SERTAD2: variants seen among roughly 807,000 people sequenced by gnomAD.
SERTAD2 encodes SERTA domain containing 2, also known as SERTA domain-containing protein 2.
SERTAD2 carries 2 observed loss-of-function variants against 15.4 expected under a neutral mutation model. The observed-to-expected ratio is 0.13, with a 90% confidence interval of 0.05 to 0.41. The LOEUF (loss-of-function observed/expected upper bound fraction) is 0.41. SERTAD2 is among the 10% of genes least tolerant of loss of function. The pLI is 0.99. For missense variants in SERTAD2, 333 were observed against 409.7 expected, an observed-to-expected ratio of 0.81 and a Z score of 1.62; for synonymous variants, 180 against 178.0, an observed-to-expected ratio of 1.01 and a Z score of -0.09.
At chr2:64,648,536 TA>T in intron 1 of SERTAD2, among the ~76,000 whole-genome samples, 1 of 152,338 alleles carries the variant, frequency 6.6e-6, no homozygotes, top group African/African-American at 2.4e-5. Flanking sequence ...CTATGTCACT[TA>T]AATACAATAA....
intron 1 of SERTAD2, among the ~76,000 whole-genome samples, chr2:64,652,545 A>C (rs1214294276): frequency 6.6e-6 from 1 of 152,228 alleles, no homozygotes; most frequent in East Asian, 1.9e-4. Flanking sequence ...ACATTGGGAA[A>C]TCAAAAAGCG....
chr2:64,635,873 G>C lies in SERTAD2; in HGVS notation c.*54C>G, dbSNP rs1341750930. ...CATGCACAGTGTGGAGAACTGTCAG[G>C]GTTATGGGAACGCTCTGGGGTCTGG... On this transcript the variant is annotated 3_prime_UTR_variant, in exon 2 of 2. Coordinates refer to ENST00000313349, the MANE Select transcript of SERTAD2 (RefSeq NM_014755.3). 2 of 1,379,038 alleles carry C rather than the reference G, an allele frequency of 1.5e-6. No homozygotes were observed. The highest frequency in any genetic ancestry group is 2.0e-6 in the Non-Finnish European group (2 of 980,590). The allele number at this position is 1,379,038 out of a possible 1,614,324, so 85.4% of individuals were successfully genotyped here.
At chr2:64,647,887 T>A (rs544293670) in intron 1 of SERTAD2, among the ~76,000 whole-genome samples, 1 of 152,212 alleles carries the variant, frequency 6.6e-6, no homozygotes, top group South Asian at 2.1e-4. Flanking sequence ...TGGAAGCTTT[T>A]CTTAAAAGTT....
intron 1 of SERTAD2, among the ~76,000 whole-genome samples, chr2:64,640,323 T>C (rs1674743765): frequency 6.6e-6 from 1 of 152,096 alleles, no homozygotes; most frequent in South Asian, 2.1e-4. Context: ...ACCACCTCCT[T>C]AAGCAGGGCC....
chr2:64,644,910 G>A (rs186175371), intron 1 of SERTAD2: 4 of 152,346 alleles, frequency 2.6e-5, no homozygotes, highest in African/African-American at 9.7e-5. Flanking sequence ...TGGCCCAGGG[G>A]AGTGGGCAAA....
intron 1 of SERTAD2, among the ~76,000 whole-genome samples, chr2:64,648,729 G>A (rs1218408716): frequency 6.6e-6 from 1 of 152,004 alleles, no homozygotes; most frequent in Non-Finnish European, 1.5e-5. Context: ...AAGGAGGCAG[G>A]AACCACCTGA....
rs746824338 is a variant in SERTAD2, at chr2:64,636,786, G to A, written c.86C>T (p.Ser29Phe). Residue 29 changes from serine (S) to phenylalanine (F), a missense_variant, in exon 2 of 2, where the codon TCC becomes TTC. Coordinates refer to ENST00000313349, the MANE Select transcript of SERTAD2 (RefSeq NM_014755.3). ...GKIVSPCDGPSKVSYTLQRQT... is the reference protein window; with the variant it reads ...GKIVSPCDGPFKVSYTLQRQT... Reference sequence around the variant, plus strand: ...GCGCTGTAAGGTGTAAGACACCTTGGATGGACCGTCACAGGGAGACACGAT... The same window carrying A: ...GCGCTGTAAGGTGTAAGACACCTTGAATGGACCGTCACAGGGAGACACGAT... 7 of 1,614,008 alleles carry A rather than the reference G, an allele frequency of 4.3e-6. 1 individual carries two copies. The Admixed American group carries it at 5.0e-5, about 12-fold the overall frequency.
intron 1 of SERTAD2, among the ~76,000 whole-genome samples, chr2:64,639,958 G>C (rs1017518381): frequency 3.3e-5 from 5 of 151,946 alleles, no homozygotes; most frequent in African/African-American, 1.2e-4. Flanking sequence ...CCTGTAAGCA[G>C]GAACAGACAC....
At chr2:64,646,341 T>G (rs1674900911) in intron 1 of SERTAD2, 1 of 151,732 alleles carries the variant, frequency 6.6e-6, no homozygotes, top group African/African-American at 2.4e-5. Flanking sequence ...TTAAAACATA[T>G]AAAATGAGCA....
In SERTAD2 at chr2:64,636,040, C is replaced by T. The variant is rs201663885; in HGVS notation, c.832G>A (p.Asp278Asn). The T allele has an allele frequency of 1.1e-5, 17 of 1,613,960 alleles. No individual in the cohort carries two copies. Among genetic ancestry groups the T allele is most frequent in the East Asian group, 8.9e-5 (4 of 44,882 alleles). ...TAAGGAGCCAGAGTTTTGAGGAGGT[C>T]GTCGGCAGACACAGGGGCCATTTTT... ...ASKMAPVSAD[D>N]LLKTLAPYSS... is the part of the protein sequence containing the mutation. Residue 278 changes from aspartate to asparagine, a missense_variant, in exon 2 of 2, where the codon GAC (aspartate) becomes AAC (asparagine). Asp to Asn is a conservative substitution (Grantham distance 23). This residue lies in a region of SERTAD2 where 332 missense variants were observed against 392.9 expected (regional missense o/e 0.84). Transcript: ENST00000313349.
At chr2:64,645,180 G>T (rs1197189614) in intron 1 of SERTAD2, among the ~76,000 whole-genome samples, 1 of 152,154 alleles carries the variant, frequency 6.6e-6, no homozygotes, top group Non-Finnish European at 1.5e-5. Context: ...GATCAAGCCA[G>T]TCTCCTGTGC....
intron 1 of SERTAD2, among the ~76,000 whole-genome samples, chr2:64,650,909 C>T (rs1674995185): frequency 6.6e-6 from 1 of 152,182 alleles, no homozygotes; most frequent in Non-Finnish European, 1.5e-5. Flanking sequence ...GCCTTCAGTA[C>T]ACAACTGATC....
In SERTAD2 at chr2:64,635,428, T is replaced by TA. The variant is rs1674636252; in HGVS notation, c.*498dup. 6.5e-6 allele frequency: 1 copy of TA among 153,162 alleles called. No individual in the cohort carries two copies. The highest frequency in any genetic ancestry group is 2.1e-4 in the South Asian group (1 of 4,864). The allele number at this position is 153,162 out of a possible 1,614,324, so 9.5% of individuals were successfully genotyped here. ...TAAACAGCCATGTAAATGCAACACTTACGAGGAGTAGTTAATGCCTCTAAA... is the reference window on the plus strand; with the variant it reads ...TAAACAGCCATGTAAATGCAACACTTAACGAGGAGTAGTTAATGCCTCTAAA... On this transcript the variant is annotated 3_prime_UTR_variant, in exon 2 of 2. Coordinates refer to ENST00000313349, the MANE Select transcript of SERTAD2 (RefSeq NM_014755.3).
rs2104335009 is a variant in SERTAD2 at position 64,634,196 on chromosome 2, A to C, written c.*1731T>G. ...TCCTAAAGAAGCCATCTGCATAACA[A>C]TATAGGTTGTAACCTGCACTCAACA... On this transcript the variant is annotated 3_prime_UTR_variant, in exon 2 of 2. Transcript: ENST00000313349. The C allele has an allele frequency of 6.6e-6, 1 of 152,364 alleles. No homozygotes were observed. Among genetic ancestry groups the C allele is most frequent in the East Asian group, 1.9e-4 (1 of 5,196 alleles). The allele number at this position is 152,364 out of a possible 1,614,324, so 9.4% of individuals were successfully genotyped here.
chr2:64,636,314 T>G lies in SERTAD2; in HGVS notation c.558A>C (p.Thr186=), dbSNP rs781497824. 6.2e-7 allele frequency: 1 copy of G among 1,614,160 alleles called. No homozygotes were observed. The highest frequency in any genetic ancestry group is 1.7e-5 in the Admixed American group (1 of 60,022). Residue 186 remains threonine (T), a synonymous_variant, in exon 2 of 2, where the codon ACA becomes ACC. Coordinates refer to ENST00000313349, the MANE Select transcript of SERTAD2 (RefSeq NM_014755.3). ...TGTCAGTCGCAGCCGTGGCCGCCTC[T>G]GTGGAGGTAGATGTGGGACAGAGCT... is the stretch of plus-strand genomic sequence containing the variant. ...IEELCPTSTS[T]EAATAATDSV... is the part of the protein sequence containing the mutation.
rs887403820 is a variant in SERTAD2, at chr2:64,632,084, T to C, written c.*3843A>G. On this transcript the variant is annotated 3_prime_UTR_variant, in exon 2 of 2. Transcript: ENST00000313349. Reference sequence around the variant, plus strand: ...ATGCACACAACTCCATGCCTCCAGGTGCGGGGCAGTTACAGGAAGGTAACC... The same window carrying C: ...ATGCACACAACTCCATGCCTCCAGGCGCGGGGCAGTTACAGGAAGGTAACC... 1 of 152,600 alleles carries C rather than the reference T, an allele frequency of 6.6e-6. No individual in the cohort carries two copies. Among genetic ancestry groups the C allele is most frequent in the African/African-American group, 2.4e-5 (1 of 41,444 alleles). 9.5% of individuals were successfully genotyped at this position (152,600 alleles called of 1,614,324 possible). A position where few individuals can be genotyped will look rare whatever the true frequency, so the allele number is the denominator to read the frequency against.
chr2:64,648,078 T>C (rs1674942268), intron 1 of SERTAD2, among the ~76,000 whole-genome samples: 1 of 152,254 alleles, frequency 6.6e-6, no homozygotes, highest in Non-Finnish European at 1.5e-5. Flanking sequence ...AACATTGTAT[T>C]GTACGGCCTA....
In SERTAD2 at chr2:64,635,855, A is replaced by G; in HGVS notation, c.*72T>C. ...AAAAGGCAAGCAAGGGTGCATGCAC[A>G]GTGTGGAGAACTGTCAGGGTTATGG... On this transcript the variant is annotated 3_prime_UTR_variant, in exon 2 of 2. Coordinates refer to ENST00000313349, the MANE Select transcript of SERTAD2 (RefSeq NM_014755.3). 6 of 1,169,068 alleles carry G rather than the reference A, an allele frequency of 5.1e-6. No individual in the cohort carries two copies. Among genetic ancestry groups the G allele is most frequent in the Non-Finnish European group, 7.5e-6 (6 of 804,744 alleles). 72.4% of individuals were successfully genotyped at this position (1,169,068 alleles called of 1,614,324 possible).
In SERTAD2 at chr2:64,636,262, C is replaced by T. The variant is rs150567681; in HGVS notation, c.610G>A (p.Gly204Ser). Reference sequence around the variant, plus strand: ...TGAGGACCGTCGAGTTTCTGGGTGCCAGCCTCGCTGGAGGTCCCTTTCACA... The same window carrying T: ...TGAGGACCGTCGAGTTTCTGGGTGCTAGCCTCGCTGGAGGTCCCTTTCACA... ...DSVKGTSSEA[G>S]TQKLDGPQES... The change falls in exon 2 of 2, where the codon GGC becomes AGC. Residue 204 changes from glycine (G) to serine (S), a missense_variant. By Grantham distance (56) the Gly-to-Ser change is moderately conservative. Coordinates refer to ENST00000313349, the MANE Select transcript of SERTAD2 (RefSeq NM_014755.3). The T allele has an allele frequency of 2.5e-6, 4 of 1,614,082 alleles. No homozygotes were observed. In the African/African-American group the frequency reaches 4.0e-5, roughly 16 times the overall value.
Sources: allele counts gnomAD v4.1 joint callset (sites outside exome capture counted in the v4.1 genomes callset), GRCh38; gene constraint gnomAD v4.1.1; regional missense constraint gnomAD v4.1.1; transcripts MANE v1.5; gene names NCBI Gene and HGNC (gene_info 2026-07-23, HGNC 2026-07-21).